Variants in CASQ2 observed in about 807,000 individuals in gnomAD.
CASQ2 encodes the protein calsequestrin-2.
In CASQ2, 49 loss-of-function variants were observed where a neutral mutation model predicts 46.5. The observed-to-expected ratio is 1.05, with a 90% CI of 0.84 to 1.34. The LOEUF is 1.34. CASQ2 is among the 40% of genes most tolerant of loss of function. The probability of loss-of-function intolerance (pLI) is 0.00; values close to 1 mark genes in which losing one functional copy is unlikely to be tolerated. For missense variants in CASQ2, 486 were observed against 481.3 expected, an observed-to-expected ratio of 1.01 and a Z score of -0.09; for synonymous variants, 174 against 168.5, an observed-to-expected ratio of 1.03 and a Z score of -0.25.
At chr1:115,757,372 G>A (rs904175624) in intron 1 of CASQ2, among the ~76,000 whole-genome samples, 1 of 152,164 alleles carries the variant, frequency 6.6e-6, no homozygotes, top group African/African-American at 2.4e-5. Context: ...GAGAGGCTTT[G>A]TTCTCCAAGC....
In CASQ2 at chr1:115,739,407, G is replaced by A. The variant is rs536659990; in HGVS notation, c.421-1072C>T. On this transcript the variant is annotated intron_variant, in intron 3 of 10. Transcript: ENST00000261448. ...TGGGATTACAGGCATGAGCCACCAC[G>A]CTCCGCCATGTACCACATTTTTTTT... 7.2e-5 allele frequency among the ~76,000 whole-genome samples: 11 copies of A among 152,114 alleles called. 1 individual carries two copies. In the East Asian group the frequency reaches 9.7e-4, roughly 13 times the overall value.
At chr1:115,726,947 TCCCCA>T in intron 6 of CASQ2, 40 bp downstream of exon 6, 18 of 1,036,510 alleles carry the variant, frequency 1.7e-5, no homozygotes, top group East Asian at 2.7e-5. Flanking sequence ...TCCTCTCCAT[TCCCCA>T]GACCCCAGGC....
At chr1:115,764,840 C>G (rs1649081255) in intron 1 of CASQ2, among the ~76,000 whole-genome samples, 1 of 152,146 alleles carries the variant, frequency 6.6e-6, no homozygotes, top group Admixed American at 6.5e-5. Flanking sequence ...CTCCTCTTCC[C>G]CTTGTCAAGC....
Position 115,746,297 on chromosome 1 carries a change from A to G in CASQ2, c.235-1385T>C, listed in dbSNP as rs368024661. Among the ~76,000 whole-genome samples, 11 of 152,248 alleles carry G rather than the reference A, an allele frequency of 7.2e-5. No individual in the cohort carries two copies. The East Asian group carries it at 1.5e-3, about 21-fold the overall frequency. On this transcript the variant is annotated intron_variant, in intron 1 of 10. Transcript: ENST00000261448. ...ATACAGCTGCTATAAAGTTTAGTGT[A>G]TAGGTTTTTGAGTTAAATATTAGTC...
chr1:115,727,698 C>T (rs1647642423), intron 5 of CASQ2, among the ~76,000 whole-genome samples: 1 of 152,080 alleles, frequency 6.6e-6, no homozygotes, highest in African/African-American at 2.4e-5. Flanking sequence ...TGGGAGCTGC[C>T]CAGTTTGTCA....
intron 7 of CASQ2, among the ~76,000 whole-genome samples, chr1:115,723,119 G>A (rs915288007): frequency 6.6e-6 from 1 of 152,156 alleles, no homozygotes; most frequent in African/African-American, 2.4e-5. Flanking sequence ...TCCTGGATTG[G>A]ATTCTGGGCC....
Position 115,748,963 on chromosome 1 carries a change from G to C in CASQ2, c.235-4051C>G, listed in dbSNP as rs931816693. Reference sequence around the variant, plus strand: ...CCTCAGCACAATACAGTAGAAAATAGACCTGGGTGGGGCTCAGGAATCTAC... The same window carrying C: ...CCTCAGCACAATACAGTAGAAAATACACCTGGGTGGGGCTCAGGAATCTAC... On this transcript the variant is annotated intron_variant, in intron 1 of 10. Transcript: ENST00000261448. Among the ~76,000 whole-genome samples the C allele has an allele frequency of 3.9e-5, 6 of 152,262 alleles. No individual in the cohort carries two copies. The East Asian group carries it at 5.8e-4, about 15-fold the overall frequency.
intron 4 of CASQ2, among the ~76,000 whole-genome samples, chr1:115,736,558 AC>A (rs1205258052): frequency 6.6e-6 from 1 of 151,974 alleles, no homozygotes; most frequent in Non-Finnish European, 1.5e-5. Flanking sequence ...AATCACTTGA[AC>A]CCAGGAGGCA....
At chr1:115,751,408 G>A (rs1325737610) in intron 1 of CASQ2, among the ~76,000 whole-genome samples, 2 of 136,172 alleles carry the variant, frequency 1.5e-5, no homozygotes, top group Non-Finnish European at 1.6e-5. Flanking sequence ...GGTGGCTCAC[G>A]CCTGTAATCC....
In CASQ2 at chr1:115,724,239, G is replaced by C. The variant is rs574337131; in HGVS notation, c.783+1269C>G. ...ATGGTTTTTAGTTATGTGTCTTTTA[G>C]TGATTAATCTGTATGAGCGTCAGTT... is the stretch of plus-strand genomic sequence containing the variant. On this transcript the variant is annotated intron_variant, in intron 7 of 10. Transcript: ENST00000261448. Among the ~76,000 whole-genome samples the C allele has an allele frequency of 4.6e-5, 7 of 152,332 alleles. No homozygotes were observed. In the South Asian group the frequency reaches 1.2e-3, roughly 27 times the overall value.
chr1:115,755,121 G>A (rs1156866574), intron 1 of CASQ2, among the ~76,000 whole-genome samples: 2 of 152,210 alleles, frequency 1.3e-5, no homozygotes, highest in African/African-American at 2.4e-5. Context: ...GTAGCATTTT[G>A]CCATGTCCAA....
intron 5 of CASQ2, among the ~76,000 whole-genome samples, chr1:115,730,724 C>A (rs1647755543): frequency 1.3e-5 from 2 of 152,116 alleles, no homozygotes; most frequent in South Asian, 4.1e-4. Context: ...TCATCAATGG[C>A]CAGATCTTCT....
intron 8 of CASQ2, among the ~76,000 whole-genome samples, chr1:115,706,196 G>A (rs921526501): frequency 1.1e-4 from 17 of 149,274 alleles, no homozygotes; most frequent in African/African-American, 2.3e-4. Context: ...GTGTGTGTGC[G>A]TGTGTGTGTG....
rs534687224 is a variant in CASQ2, at chr1:115,764,435, A to G, written c.234+3873T>C. On this transcript the variant is annotated intron_variant, in intron 1 of 10. Coordinates refer to ENST00000261448, the MANE Select transcript of CASQ2 (RefSeq NM_001232.4). ...CTGGAAAGAAATCTACCAGAACATTATCCATGTTTATTTTGGTGTGATTAC... is the reference window on the plus strand; with the variant it reads ...CTGGAAAGAAATCTACCAGAACATTGTCCATGTTTATTTTGGTGTGATTAC... 2.6e-4 allele frequency among the ~76,000 whole-genome samples: 40 copies of G among 152,336 alleles called. 1 individual carries two copies. Among genetic ancestry groups the G allele is most frequent in the Middle Eastern group, 6.8e-3 (2 of 294 alleles).
intron 8 of CASQ2, among the ~76,000 whole-genome samples, chr1:115,716,479 G>A (rs1654703936): frequency 6.6e-6 from 1 of 152,130 alleles, no homozygotes; most frequent in African/African-American, 2.4e-5. Flanking sequence ...TAGAATTGTG[G>A]TTGATATAGG....
At chr1:115,742,768 CTGTT>C (rs35672650) in intron 2 of CASQ2, among the ~76,000 whole-genome samples, 5,690 of 150,454 alleles carry the variant, frequency 0.038, 164 homozygotes, top group African/African-American at 0.077. Context: ...ACTCATTAAA[CTGTT>C]TGTTTGTTTG....
intron 3 of CASQ2, among the ~76,000 whole-genome samples, chr1:115,739,441 C>G (rs1648102484): frequency 6.6e-6 from 1 of 152,050 alleles, no homozygotes; most frequent in Non-Finnish European, 1.5e-5. Context: ...TTAATCCAGT[C>G]ATCTGCTGAT....
At chr1:115,735,662 T>C (rs1647931383) in intron 4 of CASQ2, among the ~76,000 whole-genome samples, 1 of 152,216 alleles carries the variant, frequency 6.6e-6, no homozygotes, top group South Asian at 2.1e-4. Context: ...CATTATTATT[T>C]TGAAATATTG....
chr1:115,716,124 A>T (rs1301575489), intron 8 of CASQ2, among the ~76,000 whole-genome samples: 1 of 152,200 alleles, frequency 6.6e-6, no homozygotes, highest in Non-Finnish European at 1.5e-5. Flanking sequence ...CTCTGGTTAC[A>T]TTCTGGGTTG....
Sources: gnomAD v4.1 joint callset for allele counts (sites outside exome capture counted in the v4.1 genomes callset) on GRCh38, gnomAD v4.1.1 for gene constraint, MANE v1.5 for transcripts, NCBI Gene and HGNC (gene_info 2026-07-23, HGNC 2026-07-21) for gene names.